Variants in SMIM7 observed in about 807,000 individuals in gnomAD.
SMIM7 encodes the protein small integral membrane protein 7.
SMIM7 carries 12 observed loss-of-function variants against 13.3 expected under a neutral mutation model. The ratio of observed to expected loss-of-function variants is 0.90; its 90% CI spans 0.58 to 1.46. SMIM7 has a LOEUF of 1.46. Ranked by LOEUF, SMIM7 falls within the 40% of genes most tolerant of loss-of-function variation. The pLI, the probability that SMIM7 is intolerant of heterozygous loss-of-function variation, is 0.00. For missense variants in SMIM7, 114 were observed against 94.8 expected, an observed-to-expected ratio of 1.20 and a Z score of -0.84; for synonymous variants, 36 against 35.8, an observed-to-expected ratio of 1.01 and a Z score of -0.02.
At chr19:16,650,809 C>G (rs186839103) in intron 4 of SMIM7, among the ~76,000 whole-genome samples, 1 of 152,286 alleles carries the variant, frequency 6.6e-6, no homozygotes, top group East Asian at 1.9e-4. Context: ...ACCTCTCTAC[C>G]CCATCTGGAG....
intron 4 of SMIM7, among the ~76,000 whole-genome samples, chr19:16,649,946 G>C (rs1387800801): frequency 6.6e-6 from 1 of 152,146 alleles, no homozygotes; most frequent in Non-Finnish European, 1.5e-5. Flanking sequence ...GGAAGCCGAC[G>C]AGTGGTTGCC....
chr19:16,641,177 C>T (rs1424490287), downstream of SMIM7: 1 of 152,102 alleles, frequency 6.6e-6, no homozygotes, highest in Non-Finnish European at 1.5e-5. Flanking sequence ...TGACATTTTC[C>T]ATTCTGCAGG....
rs2086451369 is a variant in SMIM7, at chr19:16,646,616, G to A, written c.*630C>T. ...AACAAAGGGGTCAAGGCAGAGGAAA[G>A]TTTCCCTTAATATCCCCACAACTGC... On this transcript the variant is annotated 3_prime_UTR_variant, in exon 5 of 5. Transcript: ENST00000487416. The A allele has an allele frequency of 6.4e-6, 1 of 155,354 alleles. No homozygotes were observed. The highest frequency in any genetic ancestry group is 2.0e-4 in the South Asian group (1 of 4,950). The allele number at this position is 155,354 out of a possible 1,614,324, so 9.6% of individuals were successfully genotyped here. A position where few individuals can be genotyped will look rare whatever the true frequency, so the allele number is the denominator to read the frequency against.
At chr19:16,632,508 G>A (rs1264932668) in intron 4 of SMIM7, among the ~76,000 whole-genome samples, 8 of 149,732 alleles carry the variant, frequency 5.3e-5, no homozygotes, top group African/African-American at 1.5e-4. Flanking sequence ...GGACACCAAC[G>A]AATGAAAAAA....
chr19:16,639,498 G>C (rs2086389369), intron 4 of SMIM7, among the ~76,000 whole-genome samples: 1 of 152,176 alleles, frequency 6.6e-6, no homozygotes, highest in Non-Finnish European at 1.5e-5. Context: ...AAGTAAATAG[G>C]TTCAGCTTTG....
At chr19:16,653,136 C>T (rs568396290) in intron 4 of SMIM7, among the ~76,000 whole-genome samples, 17 of 152,320 alleles carry the variant, frequency 1.1e-4, no homozygotes, top group African/African-American at 3.1e-4. Flanking sequence ...GGCTCAGGGA[C>T]GGCATCTCCT....
At chr19:16,643,745 C>A (rs2086421957), downstream of SMIM7, among the ~76,000 whole-genome samples, 1 of 152,114 alleles carries the variant, frequency 6.6e-6, no homozygotes, top group Non-Finnish European at 1.5e-5. Flanking sequence ...CACTTAAAGC[C>A]ACACCAATGG....
intron 4 of SMIM7, among the ~76,000 whole-genome samples, chr19:16,637,680 G>C (rs1017750702): frequency 6.6e-6 from 1 of 152,294 alleles, no homozygotes; most frequent in South Asian, 2.1e-4. Context: ...CCAGGAGACA[G>C]AGCCCATCAC....
At chr19:16,659,481 T>C (rs764607449) in intron 2 of SMIM7, 34 bp from the exon 3 acceptor site, 5 of 1,603,398 alleles carry the variant, frequency 3.1e-6, no homozygotes, top group South Asian at 1.1e-5. Context: ...CCACTTTCAA[T>C]GGGACATAGA....
chr19:16,655,025 A>G (rs2086578171), intron 3 of SMIM7, among the ~76,000 whole-genome samples: 1 of 152,180 alleles, frequency 6.6e-6, no homozygotes, highest in South Asian at 2.1e-4. Context: ...AGAGAGTCAG[A>G]TACTGACTCT....
At chr19:16,649,885 GTA>G (rs2086498144) in intron 4 of SMIM7, among the ~76,000 whole-genome samples, 1 of 152,134 alleles carries the variant, frequency 6.6e-6, no homozygotes, top group Admixed American at 6.6e-5. Flanking sequence ...GCCATGCAGT[GTA>G]TGACTCCATT....
At position 16,635,899 on chromosome 19, in the gene SMIM7, A is replaced by ATATAT. The variant is rs1555703285; in HGVS notation, c.*138-4176_*138-4175insATATA. 5.8e-3 allele frequency among the ~76,000 whole-genome samples: 637 copies of ATATAT among 109,480 alleles called. 3 individuals are homozygous for ATATAT. The highest frequency in any genetic ancestry group is 0.023 in the African/African-American group (528 of 23,074). The allele number at this position is 109,480 out of a possible 152,430, so 71.8% of individuals were successfully genotyped here. A position where few individuals can be genotyped will look rare whatever the true frequency, so the allele number is the denominator to read the frequency against. On this transcript the variant is annotated intron_variant and NMD_transcript_variant, in intron 4 of 4. Transcript: ENST00000465250. ...ACCCTGTCTCAAAAAAAAAAAAAAA[A>ATATAT]ATATATATATATATATATATATATG...
chr19:16,652,852 G>C (rs1048654022), intron 4 of SMIM7: 5 of 1,550,178 alleles, frequency 3.2e-6, no homozygotes, highest in Non-Finnish European at 4.4e-6. Context: ...TTCTCCCGTC[G>C]TGTCTTTTCC....
chr19:16,650,859 C>T (rs1056479920), intron 4 of SMIM7, among the ~76,000 whole-genome samples: 13 of 152,202 alleles, frequency 8.5e-5, no homozygotes, highest in African/African-American at 3.1e-4. Context: ...TGTTTCACTC[C>T]CATACTTAAG....
chr19:16,631,233 A>G (rs569080113), exon 5 of SMIM7: 1 of 152,200 alleles, frequency 6.6e-6, no homozygotes, highest in South Asian at 2.1e-4. Flanking sequence ...TAAGAATACA[A>G]AAATTAGCCG....
chr19:16,659,522 G>C, intron 2 of SMIM7, 75 bp from the exon 3 acceptor site: 1 of 1,457,460 alleles, frequency 6.9e-7, no homozygotes, highest in Non-Finnish European at 9.5e-7. Context: ...CAGCTCAGAA[G>C]GCCACAAACA....
chr19:16,648,723 C>A (rs562001248), intron 4 of SMIM7, among the ~76,000 whole-genome samples: 3 of 152,230 alleles, frequency 2.0e-5, no homozygotes, highest in African/African-American at 7.2e-5. Context: ...AACCTTCGAA[C>A]TGGCTGTGCA....
chr19:16,642,034 G>A (rs1320319505), downstream of SMIM7, among the ~76,000 whole-genome samples: 1 of 152,206 alleles, frequency 6.6e-6, no homozygotes, highest in Non-Finnish European at 1.5e-5. Context: ...GGTGGAGGAA[G>A]CAAAATGGGT....
In SMIM7 at chr19:16,635,860, G is replaced by A. The variant is rs201285958; in HGVS notation, c.*138-4136C>T. 3.0e-4 allele frequency among the ~76,000 whole-genome samples: 40 copies of A among 135,394 alleles called. No homozygotes were observed. In the East Asian group the frequency reaches 7.2e-3, roughly 24 times the overall value. 88.8% of individuals were successfully genotyped at this position (135,394 alleles called of 152,430 possible). On this transcript the variant is annotated intron_variant and NMD_transcript_variant, in intron 4 of 4. Transcript: ENST00000465250. ...GATTGTACCACTGCAATCCAGCCTG[G>A]GCAACAGAGCAAGACCCTGTCTCAA...
Sources: allele counts gnomAD v4.1 joint callset (sites outside exome capture counted in the v4.1 genomes callset), GRCh38; gene constraint gnomAD v4.1.1; transcripts MANE v1.5; gene names NCBI Gene and HGNC (gene_info 2026-07-23, HGNC 2026-07-21).